FYB2: variants seen among roughly 807,000 people sequenced by gnomAD.
The protein encoded by FYB2 is FYN binding protein 2, also known as FYN-binding protein 2.
A neutral mutation model predicts 94.1 loss-of-function variants in FYB2; 103 were observed. That is an observed-to-expected ratio of 1.09 (90% CI 0.93 to 1.29). FYB2 has a LOEUF of 1.29. Ranked by LOEUF, FYB2 falls within the 50% of genes most tolerant of loss-of-function variation. The pLI, the probability that FYB2 is intolerant of heterozygous loss-of-function variation, is 0.00. For synonymous variants in FYB2, 293 were observed against 287.9 expected (o/e 1.02, Z -0.18); for missense variants, 896 against 841.5 (o/e 1.06, Z -0.80).
intron 4 of FYB2, among the ~76,000 whole-genome samples, chr1:56,775,239 T>C (rs923945905): frequency 2.0e-5 from 3 of 152,138 alleles, no homozygotes; most frequent in Non-Finnish European, 2.9e-5. Context: ...ATACAACAAA[T>C]AGAGCTTCTC....
At chr1:56,756,901 T>A (rs145471276) in intron 6 of FYB2, among the ~76,000 whole-genome samples, 128 of 152,186 alleles carry the variant, frequency 8.4e-4, no homozygotes, top group Admixed American at 1.5e-3. Flanking sequence ...GGGAAAAGAA[T>A]ACAAAAAACT....
chr1:56,787,344 C>G, intron 3 of FYB2, 136 bp from the exon 4 acceptor site: 1 of 1,007,472 alleles, frequency 9.9e-7, no homozygotes, highest in Non-Finnish European at 1.5e-6. Flanking sequence ...CATCCCTTAC[C>G]TCCACCCCAG....
At chr1:56,778,518 T>G (rs971680645) in intron 4 of FYB2, among the ~76,000 whole-genome samples, 4 of 152,168 alleles carry the variant, frequency 2.6e-5, no homozygotes, top group African/African-American at 9.7e-5. Flanking sequence ...AGGTAGATGA[T>G]GTCACATCAT....
intron 4 of FYB2, among the ~76,000 whole-genome samples, chr1:56,782,999 G>C (rs1646043959): frequency 6.6e-6 from 1 of 151,754 alleles, no homozygotes; most frequent in Non-Finnish European, 1.5e-5. Context: ...AATAGGGACT[G>C]CTTATTCAAG....
At chr1:56,738,790 A>T in intron 13 of FYB2, 137 bp from the exon 14 acceptor site, 1 of 830,452 alleles carries the variant, frequency 1.2e-6, no homozygotes, top group Non-Finnish European at 1.9e-6. Flanking sequence ...CCAAGTAAAA[A>T]TAGTTTCTCT....
upstream of FYB2, among the ~76,000 whole-genome samples, chr1:56,820,634 G>A (rs1055649896): frequency 2.0e-5 from 3 of 152,348 alleles, no homozygotes; most frequent in Admixed American, 2.0e-4. Flanking sequence ...CCCAAACCTG[G>A]CTGATCACCA....
At chr1:56,803,154 C>T (rs967456906) in intron 1 of FYB2, among the ~76,000 whole-genome samples, 5 of 152,118 alleles carry the variant, frequency 3.3e-5, no homozygotes, top group African/African-American at 4.8e-5. Context: ...TAATATATTA[C>T]AAATTCTGTA....
At chr1:56,724,191 T>G (rs1172374690) in intron 16 of FYB2, among the ~76,000 whole-genome samples, 1 of 152,010 alleles carries the variant, frequency 6.6e-6, no homozygotes, top group Non-Finnish European at 1.5e-5. Flanking sequence ...TAATTGGGGA[T>G]CACAAGTCTA....
chr1:56,776,443 T>C (rs1645877735), intron 4 of FYB2, among the ~76,000 whole-genome samples: 1 of 152,164 alleles, frequency 6.6e-6, no homozygotes. Flanking sequence ...CACTTTGTCT[T>C]CTAAGTGTTT....
chr1:56,816,633 C>G (rs2101114574), intron 1 of FYB2, among the ~76,000 whole-genome samples: 1 of 152,280 alleles, frequency 6.6e-6, no homozygotes, highest in East Asian at 1.9e-4. Flanking sequence ...ACATCTACTA[C>G]ACACCCAGTG....
chr1:56,788,875 T>A, intron 3 of FYB2, 98 bp downstream of exon 3: 2 of 1,497,768 alleles, frequency 1.3e-6, no homozygotes, highest in Non-Finnish European at 1.9e-6. Flanking sequence ...ATGTCCAGCC[T>A]CATGGAAAAG....
rs148956412 is a variant in FYB2 at position 56,753,207 on chromosome 1, T to C, written c.1227+632A>G. Among the ~76,000 whole-genome samples the C allele has an allele frequency of 1.5e-3, 235 of 152,206 alleles. 2 individuals are homozygous for C. The highest frequency in any genetic ancestry group is 5.3e-3 in the African/African-American group (222 of 41,554). On this transcript the variant is annotated intron_variant, in intron 8 of 19. Transcript: ENST00000343433. ...ATGTGAGTACTGGCAATAGCCCTGG[T>C]GGTGTCTATTGTTTAAGCCTCCTGC...
chr1:56,741,558 G>C (rs1380345458), intron 12 of FYB2, among the ~76,000 whole-genome samples: 1 of 152,000 alleles, frequency 6.6e-6, no homozygotes, highest in African/African-American at 2.4e-5. Context: ...GTGCCAACCA[G>C]CATGCCCAGT....
chr1:56,814,205 G>T (rs1054326399), intron 1 of FYB2, among the ~76,000 whole-genome samples: 1 of 152,210 alleles, frequency 6.6e-6, no homozygotes, highest in Non-Finnish European at 1.5e-5. Context: ...GATGTGGTGC[G>T]GGTGAGGAGG....
intron 1 of FYB2, among the ~76,000 whole-genome samples, chr1:56,794,573 G>C (rs1340598908): frequency 6.6e-6 from 1 of 152,108 alleles, no homozygotes; most frequent in African/African-American, 2.4e-5. Flanking sequence ...TTTTGGAAGG[G>C]AGGAAAATTG....
intron 8 of FYB2, among the ~76,000 whole-genome samples, chr1:56,752,104 T>C (rs963146235): frequency 2.0e-5 from 3 of 151,878 alleles, no homozygotes; most frequent in Admixed American, 6.6e-5. Context: ...AGGAGGCTGC[T>C]GATAAGGTAA....
intron 6 of FYB2, among the ~76,000 whole-genome samples, chr1:56,757,839 G>A (rs1049764734): frequency 1.0e-4 from 15 of 148,722 alleles, no homozygotes; most frequent in East Asian, 4.0e-4. Context: ...GTACAATATC[G>A]GCTCGCTGCA....
chr1:56,759,858 G>A (rs1570036806), intron 5 of FYB2, among the ~76,000 whole-genome samples: 1 of 152,036 alleles, frequency 6.6e-6, no homozygotes, highest in Non-Finnish European at 1.5e-5. Flanking sequence ...CAAGGCAGGT[G>A]GATCACAAGG....
chr1:56,726,680 TAAA>T (rs71772656), intron 15 of FYB2, 97 bp from the exon 16 acceptor site: 159,933 of 976,426 alleles, frequency 0.16, 13,735 homozygotes, highest in East Asian at 0.28. Context: ...TACAAAAAAT[TAAA>T]AAGTCATCTA....
Sources: allele counts gnomAD v4.1 joint callset (sites outside exome capture counted in the v4.1 genomes callset), GRCh38; gene constraint gnomAD v4.1.1; transcripts MANE v1.5; gene names NCBI Gene and HGNC (gene_info 2026-07-23, HGNC 2026-07-21).